Variants in VSX1 observed in about 807,000 individuals in gnomAD.
The protein encoded by VSX1 is visual system homeobox 1.
VSX1 carries 23 observed loss-of-function variants against 23.6 expected under a neutral mutation model. The ratio of observed to expected loss-of-function variants is 0.97; its 90% CI spans 0.70 to 1.38. The LOEUF is 1.38. Among genes scored for constraint, VSX1 ranks in the 40% most tolerant of loss-of-function variants. The probability of loss-of-function intolerance (pLI) is 0.00; values close to 1 mark genes in which losing one functional copy is unlikely to be tolerated. For synonymous variants in VSX1, 247 were observed against 215.1 expected (o/e 1.15, Z -1.30); for missense variants, 517 against 495.4 (o/e 1.04, Z -0.41).
Position 25,081,857 on chromosome 20 carries a change from C to T in VSX1, c.240G>A (p.Leu80=), listed in dbSNP as rs1435027239. 1.3e-6 allele frequency: 2 copies of T among 1,522,436 alleles called. No individual in the cohort carries two copies. The highest frequency in any genetic ancestry group is 4.0e-5 in the Admixed American group (2 of 49,922). 94.3% of individuals were successfully genotyped at this position (1,522,436 alleles called of 1,614,324 possible). A position where few individuals can be genotyped will look rare whatever the true frequency, so the allele number is the denominator to read the frequency against. ...CGAAGCCACAGAGGAGGCCGAGTCCCAGCGGTAGGGCCCCACGCGCCAGGC... is the reference window on the plus strand; with the variant it reads ...CGAAGCCACAGAGGAGGCCGAGTCCTAGCGGTAGGGCCCCACGCGCCAGGC... ...GSSLARGALP[L]GLGLLCGFGT... is the part of the protein sequence containing the mutation. The change falls in exon 1 of 5, where the codon CTG becomes CTA. Residue 80 remains leucine, a synonymous_variant. Transcript: ENST00000376709.
chr20:25,074,407 A>C (rs1353390183), downstream of VSX1, among the ~76,000 whole-genome samples: 1 of 152,208 alleles, frequency 6.6e-6, no homozygotes, highest in Non-Finnish European at 1.5e-5. Flanking sequence ...TATGTTAAGA[A>C]AGCATCCTTC....
At chr20:25,073,644 A>C (rs1184277997), downstream of VSX1, among the ~76,000 whole-genome samples, 1 of 152,238 alleles carries the variant, frequency 6.6e-6, no homozygotes, top group Non-Finnish European at 1.5e-5. Context: ...CGTGACATGC[A>C]GTGCTGACCA....
Position 25,077,948 on chromosome 20 carries a change from G to A in VSX1, c.628-83C>T, listed in dbSNP as rs1239884986. 4 of 1,477,206 alleles carry A rather than the reference G, an allele frequency of 2.7e-6. No homozygotes were observed. The African/African-American group carries it at 4.2e-5, about 15-fold the overall frequency. 91.5% of individuals were successfully genotyped at this position (1,477,206 alleles called of 1,614,324 possible). ...TGGAGGAGCGGAGGCGGCGTCCCAG[G>A]GCTCGGATCTTCTCTCCCGAGCATG... is the stretch of plus-strand genomic sequence containing the variant. On this transcript the variant is annotated intron_variant, in intron 3 of 4. Coordinates refer to ENST00000376709, the MANE Select transcript of VSX1 (RefSeq NM_014588.6).
At position 25,077,717 on chromosome 20, in the gene VSX1, CCGCCCTCGG is replaced by C. The variant is rs2089533729; in HGVS notation, c.767_775del (p.Ala256_Gly258del). 6.5e-7 allele frequency: 1 copy of C among 1,550,012 alleles called. No individual in the cohort carries two copies. The highest frequency in any genetic ancestry group is 1.4e-5 in the African/African-American group (1 of 73,118). On this transcript the variant is annotated inframe_deletion, in exon 4 of 5. Transcript: ENST00000376709. ...CCAGGGCGCGCAGGAGCCCAGCAGGCCGCCCTCGGCGGAGTTGAGCACGGAGTCTGGCAG... is the reference window on the plus strand; with the variant it reads ...CCAGGGCGCGCAGGAGCCCAGCAGGCCGGAGTTGAGCACGGAGTCTGGCAG...
At chr20:25,071,074 C>T (rs554052464), downstream of VSX1, 8 of 453,854 alleles carry the variant, frequency 1.8e-5, no homozygotes, top group Non-Finnish European at 3.1e-5. Flanking sequence ...TTTCAAAGCC[C>T]GGGTTGAGAT....
downstream of VSX1, among the ~76,000 whole-genome samples, chr20:25,074,671 C>G (rs951869992): frequency 2.0e-5 from 3 of 152,062 alleles, no homozygotes; most frequent in Non-Finnish European, 4.4e-5. Flanking sequence ...CTTACTGTTA[C>G]AATTTTAGTG....
downstream of VSX1, chr20:25,071,339 GGCTCAC>G (rs1381286708): frequency 2.2e-6 from 1 of 454,072 alleles, no homozygotes; most frequent in South Asian, 1.6e-5. Context: ...CTGGGGCAGT[GGCTCAC>G]GCTGTAATCC....
chr20:25,078,672 G>A (rs1249427555), intron 3 of VSX1, 157 bp downstream of exon 3: 5 of 1,598,958 alleles, frequency 3.1e-6, no homozygotes, highest in South Asian at 2.2e-5. Context: ...GGGTCATAGG[G>A]GCAAGCTCTT....
rs766439615 is a variant in VSX1, at chr20:25,079,462, C to T, written c.477G>A (p.Leu159=). The T allele has an allele frequency of 6.2e-6, 10 of 1,612,888 alleles. No homozygotes were observed. The highest frequency in any genetic ancestry group is 8.5e-6 in the Non-Finnish European group (10 of 1,179,756). ...TGTGCCGCCGCTTCTTCCTCTTGCC[C>T]AAGGTGGGGGATGCCTTTAGGTCAT... ...DRNDLKASPT[L]GKRKKRRHRT... The change falls in exon 2 of 5, where the codon TTG becomes TTA. Residue 159 remains leucine (L), a synonymous_variant. Transcript: ENST00000376709.
At position 25,076,536 on chromosome 20, in the gene VSX1, AT is replaced by A. The variant is rs780576849; in HGVS notation, c.822del (p.Lys274AsnfsTer5). 3.2e-5 allele frequency: 51 copies of A among 1,609,154 alleles called. 1 individual carries two copies. Among genetic ancestry groups the A allele is most frequent in the Non-Finnish European group, 4.2e-5 (50 of 1,178,836 alleles). Reference protein sequence around the residue: ...CAPWLLGMHKKSMGMIRKPGS... With the variant: ...CAPWLLGMHKXSMGMIRKPGS... ...CCTGGCTTCCTTATCATCCCCATGG[AT>A]TTTTTATGCATCCCTTGTAAAAAAA... On this transcript the variant is annotated frameshift_variant, in exon 5 of 5. Coordinates refer to ENST00000376709, the MANE Select transcript of VSX1 (RefSeq NM_014588.6). LOFTEE classifies it low-confidence loss of function (END_TRUNC).
chr20:25,079,972 C>T (rs1412361738), intron 1 of VSX1, among the ~76,000 whole-genome samples: 1 of 152,136 alleles, frequency 6.6e-6, no homozygotes, highest in Non-Finnish European at 1.5e-5. Context: ...CCAACATTTC[C>T]CAAAGGAAGT....
downstream of VSX1, chr20:25,075,327 C>A (rs2089464829): frequency 6.6e-6 from 1 of 152,174 alleles, no homozygotes; most frequent in African/African-American, 2.4e-5. Flanking sequence ...GACAAGGCAA[C>A]ACATGGTAAG....
rs2089483553 is a variant in VSX1 at position 25,076,070 on chromosome 20, T to C, written c.*191A>G. 1 of 739,012 alleles carries C rather than the reference T, an allele frequency of 1.4e-6. No homozygotes were observed. The highest frequency in any genetic ancestry group is 1.8e-5 in the African/African-American group (1 of 56,722). The allele number at this position is 739,012 out of a possible 1,614,324, so 45.8% of individuals were successfully genotyped here. On this transcript the variant is annotated 3_prime_UTR_variant, in exon 5 of 5. Coordinates refer to ENST00000376709, the MANE Select transcript of VSX1 (RefSeq NM_014588.6). ...AAGTGCCATTAAGGAACCGTTTCCA[T>C]TCTAGAATGAAATAGAATTTTCCCT...
rs1324793290 is a variant in VSX1, at chr20:25,077,812, G to T, written c.681C>A (p.Gly227=). 3 of 1,551,398 alleles carry T rather than the reference G, an allele frequency of 1.9e-6. No homozygotes were observed. Among genetic ancestry groups the T allele is most frequent in the East Asian group, 4.9e-5 (2 of 41,002 alleles). ...AKWRKREKRW[G]GSSVMAEYGL... The stretch of plus-strand genomic sequence containing the variant: ...CGTACTCGGCCATCACGCTGCTGCC[G>T]CCCCAGCGCTTCTCCCGCTTGCGCC... Residue 227 remains glycine (G), a synonymous_variant, in exon 4 of 5, where the codon GGC becomes GGA. Coordinates refer to ENST00000376709, the MANE Select transcript of VSX1 (RefSeq NM_014588.6).
Position 25,076,250 on chromosome 20 carries a change from AC to A in VSX1, c.*10del, listed in dbSNP as rs756942739. 3 of 1,613,896 alleles carry A rather than the reference AC, an allele frequency of 1.9e-6. No individual in the cohort carries two copies. The East Asian group carries it at 6.7e-5, about 36-fold the overall frequency. ...CACATTTTCAGCCTTTGACAGTGGG[AC>A]CTGTGGGTCTCATGTGGCTCCCACC... On this transcript the variant is annotated 3_prime_UTR_variant, in exon 5 of 5. Coordinates refer to ENST00000376709, the MANE Select transcript of VSX1 (RefSeq NM_014588.6).
chr20:25,081,209 G>C (rs953097446), intron 1 of VSX1, among the ~76,000 whole-genome samples: 11 of 150,428 alleles, frequency 7.3e-5, no homozygotes, highest in Non-Finnish European at 5.9e-5. Flanking sequence ...TCGAGGCCCC[G>C]TACTCTTCCA....
At chr20:25,079,007 TC>T in intron 2 of VSX1, 55 bp from the exon 3 acceptor site, 2 of 1,609,772 alleles carry the variant, frequency 1.2e-6, no homozygotes, top group Non-Finnish European at 1.7e-6. Context: ...GACAGCAGCC[TC>T]CCTGGCCTTA....
Position 25,080,345 on chromosome 20 carries a change from G to A in VSX1, c.425-831C>T, listed in dbSNP as rs144438143. Among the ~76,000 whole-genome samples, 265 of 152,328 alleles carry A rather than the reference G, an allele frequency of 1.7e-3. 1 individual carries two copies. The highest frequency in any genetic ancestry group is 0.01 in the Middle Eastern group (3 of 294). ...AACCTGGCTTGGATTAAAACATTCT[G>A]TATTGGGCTGTCCAACCTGATGAGA... On this transcript the variant is annotated intron_variant, in intron 1 of 4. Transcript: ENST00000376709.
At chr20:25,079,062 C>G in intron 2 of VSX1, 110 bp from the exon 3 acceptor site, 1 of 1,313,296 alleles carries the variant, frequency 7.6e-7, no homozygotes. Context: ...ACCCTAGAAG[C>G]CACTTCATGA....
Sources: allele counts gnomAD v4.1 joint callset (sites outside exome capture counted in the v4.1 genomes callset), GRCh38; gene constraint gnomAD v4.1.1; transcripts MANE v1.5; gene names NCBI Gene and HGNC (gene_info 2026-07-23, HGNC 2026-07-21).